PARVA: variants seen among roughly 807,000 people sequenced by gnomAD.
The protein encoded by PARVA is parvin alpha.
In PARVA, 25 loss-of-function variants were observed where a neutral mutation model predicts 52.6. The ratio of observed to expected loss-of-function variants is 0.48; its 90% CI spans 0.35 to 0.66. PARVA has a LOEUF of 0.66. PARVA is among the 30% of genes least tolerant of loss of function. PARVA has a pLI of 0.01. For synonymous variants in PARVA, 185 were observed against 179.1 expected, an observed-to-expected ratio of 1.03 and a Z score of -0.26; for missense variants, 373 against 450.9, an observed-to-expected ratio of 0.83 and a Z score of 1.56.
intron 1 of PARVA, among the ~76,000 whole-genome samples, chr11:12,427,905 CG>C (rs1249734814): frequency 6.6e-6 from 1 of 152,186 alleles, no homozygotes; most frequent in Non-Finnish European, 1.5e-5. Flanking sequence ...CTGGTCCAGG[CG>C]TGTGTCCCCG....
chr11:12,502,830 TGGGGAA>T (rs1941380401), intron 5 of PARVA, among the ~76,000 whole-genome samples: 1 of 151,988 alleles, frequency 6.6e-6, no homozygotes, highest in Non-Finnish European at 1.5e-5. Flanking sequence ...TGAAGGCTTT[TGGGGAA>T]TCTTTACAAC....
At position 12,403,665 on chromosome 11, in the gene PARVA, G is replaced by T. The variant is rs79661571; in HGVS notation, c.136+25882G>T. On this transcript the variant is annotated intron_variant, in intron 1 of 12. Coordinates refer to ENST00000334956, the MANE Select transcript of PARVA (RefSeq NM_018222.5). ...ATTTTCTGCACTAGGCAATGTCTTA[G>T]AAAATATAGGAAAGGAGTTAAAATT... Among the ~76,000 whole-genome samples, 199 of 152,334 alleles carry T rather than the reference G, an allele frequency of 1.3e-3. 1 individual carries two copies. Among genetic ancestry groups the T allele is most frequent in the African/African-American group, 4.3e-3 (180 of 41,578 alleles).
chr11:12,412,478 C>T (rs1231736269), intron 1 of PARVA, among the ~76,000 whole-genome samples: 2 of 152,098 alleles, frequency 1.3e-5, no homozygotes, highest in Non-Finnish European at 2.9e-5. Flanking sequence ...CAGGGGGCTC[C>T]GGGATGCAGT....
chr11:12,517,808 C>A, intron 11 of PARVA, 97 bp downstream of exon 11: 1 of 818,012 alleles, frequency 1.2e-6, no homozygotes, highest in South Asian at 1.5e-5. Flanking sequence ...AAGGCAGAAG[C>A]TTCCCCTCTG....
intron 12 of PARVA, among the ~76,000 whole-genome samples, chr11:12,521,457 G>A (rs902364235): frequency 2.6e-5 from 4 of 152,122 alleles, no homozygotes; most frequent in East Asian, 1.9e-4. Context: ...CTATTTAGCC[G>A]AAAGTAGAAA....
intron 12 of PARVA, 40 bp from the exon 13 acceptor site, chr11:12,527,809 G>T (rs761387232): frequency 1.4e-6 from 2 of 1,473,964 alleles, no homozygotes; most frequent in Non-Finnish European, 1.9e-6. Flanking sequence ...GGAACATGTG[G>T]CCCCATGGAA....
At chr11:12,520,145 TA>T (rs1454174522) in intron 12 of PARVA, among the ~76,000 whole-genome samples, 1 of 152,264 alleles carries the variant, frequency 6.6e-6, no homozygotes, top group African/African-American at 2.4e-5. Flanking sequence ...ATATAGGTGA[TA>T]TTTTTATGCA....
chr11:12,476,962 C>T (rs1437171073), intron 3 of PARVA, among the ~76,000 whole-genome samples: 2 of 152,182 alleles, frequency 1.3e-5, no homozygotes, highest in Admixed American at 6.5e-5. Context: ...TCCCCCAGGC[C>T]TGTGGTCAGG....
chr11:12,533,663 G>A lies in PARVA; in HGVS notation c.*5738G>A, dbSNP rs1281505827. ...TTAACACATAGCTAGTATGTTATGTGCATTATATACTATATCCTTACCATA... is the reference window on the plus strand; with the variant it reads ...TTAACACATAGCTAGTATGTTATGTACATTATATACTATATCCTTACCATA... On this transcript the variant is annotated 3_prime_UTR_variant, in exon 13 of 13. Coordinates refer to ENST00000334956, the MANE Select transcript of PARVA (RefSeq NM_018222.5). 6.6e-6 allele frequency among the ~76,000 whole-genome samples: 1 copy of A among 152,078 alleles called. No homozygotes were observed. Among genetic ancestry groups the A allele is most frequent in the East Asian group, 1.9e-4 (1 of 5,188 alleles).
At chr11:12,471,160 A>C (rs1473303784) in intron 1 of PARVA, among the ~76,000 whole-genome samples, 3 of 152,202 alleles carry the variant, frequency 2.0e-5, no homozygotes, top group Non-Finnish European at 2.9e-5. Flanking sequence ...GAACAGGTTC[A>C]TTTTAGTGCT....
At chr11:12,496,845 C>T (rs1027791424) in intron 5 of PARVA, among the ~76,000 whole-genome samples, 6 of 152,322 alleles carry the variant, frequency 3.9e-5, no homozygotes, top group African/African-American at 9.6e-5. Context: ...AGAAACCTCA[C>T]GTGAAATGGG....
At chr11:12,395,049 C>T (rs1184505951) in intron 1 of PARVA, among the ~76,000 whole-genome samples, 6 of 150,872 alleles carry the variant, frequency 4.0e-5, no homozygotes, top group Non-Finnish European at 8.8e-5. Flanking sequence ...CAAGGTCAGG[C>T]CATTGCACTC....
chr11:12,497,735 C>T (rs959461596), intron 5 of PARVA, among the ~76,000 whole-genome samples: 6 of 152,172 alleles, frequency 3.9e-5, no homozygotes, highest in Admixed American at 6.5e-5. Flanking sequence ...AGGAGAGGGG[C>T]TCTGTTTCAC....
chr11:12,526,221 AAAAAT>A (rs1212065063), intron 12 of PARVA, among the ~76,000 whole-genome samples: 5 of 145,518 alleles, frequency 3.4e-5, no homozygotes, highest in East Asian at 4.3e-4. Context: ...TATTGAAATA[AAAAAT>A]AAAATCTTTT....
chr11:12,514,165 A>T (rs1202108970), intron 10 of PARVA, 100 bp downstream of exon 10: 1 of 828,158 alleles, frequency 1.2e-6, no homozygotes, highest in East Asian at 2.6e-5. Flanking sequence ...TTCCCAGCTG[A>T]GGGGGATGAG....
chr11:12,477,626 T>A (rs1188502446), intron 3 of PARVA, among the ~76,000 whole-genome samples: 1 of 148,228 alleles, frequency 6.7e-6, no homozygotes, highest in African/African-American at 2.4e-5. Flanking sequence ...AACACTCCCA[T>A]AGTCTCAGCT....
intron 1 of PARVA, among the ~76,000 whole-genome samples, chr11:12,439,637 C>T (rs1164863840): frequency 3.3e-5 from 5 of 152,142 alleles, no homozygotes; most frequent in Admixed American, 1.3e-4. Context: ...GTCACTACCT[C>T]GCAGTAAACT....
At chr11:12,399,279 T>C (rs1939792295) in intron 1 of PARVA, among the ~76,000 whole-genome samples, 1 of 152,240 alleles carries the variant, frequency 6.6e-6, no homozygotes, top group Non-Finnish European at 1.5e-5. Flanking sequence ...TTTGAACATA[T>C]GGAAATATAA....
intron 4 of PARVA, among the ~76,000 whole-genome samples, chr11:12,493,098 G>A (rs1941252848): frequency 6.6e-6 from 1 of 152,126 alleles, no homozygotes; most frequent in Non-Finnish European, 1.5e-5. Flanking sequence ...GCTCATGCCT[G>A]TAATCCCAGC....
Sources: allele counts gnomAD v4.1 joint callset (sites outside exome capture counted in the v4.1 genomes callset), GRCh38; gene constraint gnomAD v4.1.1; transcripts MANE v1.5; gene names NCBI Gene and HGNC (gene_info 2026-07-23, HGNC 2026-07-21).